The following KCNMB2 variants were observed in gnomAD, a reference collection of about 807,000 sequenced individuals.
KCNMB2 encodes calcium-activated potassium channel subunit beta-2.
A neutral mutation model predicts 24.5 loss-of-function variants in KCNMB2; 9 were observed. That is an observed-to-expected ratio of 0.37 (90% CI 0.22 to 0.64). The LOEUF is 0.64. Among genes scored for constraint, KCNMB2 ranks in the 30% least tolerant of loss-of-function variants. KCNMB2 has a pLI of 0.63. For missense variants in KCNMB2, 226 were observed against 284.3 expected, an observed-to-expected ratio of 0.79 and a Z score of 1.47; for synonymous variants, 109 against 104.4, an observed-to-expected ratio of 1.04 and a Z score of -0.27.
At chr3:178,577,856 C>G (rs555918700) in intron 1 of KCNMB2, among the ~76,000 whole-genome samples, 10 of 152,230 alleles carry the variant, frequency 6.6e-5, no homozygotes, top group Admixed American at 2.6e-4. Flanking sequence ...AGAACAAAGC[C>G]TCCAAGAAAT....
intron 1 of KCNMB2, among the ~76,000 whole-genome samples, chr3:178,613,846 T>C (rs1718583405): frequency 6.6e-6 from 1 of 152,146 alleles, no homozygotes; most frequent in South Asian, 2.1e-4. Flanking sequence ...ATCTTGTACG[T>C]GGATACTGAT....
At chr3:178,779,509 A>C (rs1712735275) in intron 1 of KCNMB2, among the ~76,000 whole-genome samples, 1 of 152,228 alleles carries the variant, frequency 6.6e-6, no homozygotes. Flanking sequence ...TTCAAACGTC[A>C]TAGTCAATAT....
chr3:178,794,477 A>G (rs113549479), intron 1 of KCNMB2, among the ~76,000 whole-genome samples: 37 of 152,308 alleles, frequency 2.4e-4, no homozygotes, highest in African/African-American at 7.5e-4. Context: ...ACCAAGTGGA[A>G]GGAGGCCTGC....
intron 1 of KCNMB2, among the ~76,000 whole-genome samples, chr3:178,611,510 C>T (rs901116535): frequency 6.6e-6 from 1 of 152,130 alleles, no homozygotes; most frequent in African/African-American, 2.4e-5. Flanking sequence ...CAAGACCATC[C>T]TGGCCAACAT....
At chr3:178,614,007 C>G (rs758005340) in intron 1 of KCNMB2, among the ~76,000 whole-genome samples, 6 of 150,666 alleles carry the variant, frequency 4.0e-5, no homozygotes, top group Non-Finnish European at 7.4e-5. Context: ...TTTCTTTTTT[C>G]TCCTCTGACT....
At chr3:178,575,508 T>C (rs1388822704) in intron 1 of KCNMB2, among the ~76,000 whole-genome samples, 4 of 152,238 alleles carry the variant, frequency 2.6e-5, no homozygotes, top group Admixed American at 2.6e-4. Context: ...CATCTAGTGA[T>C]AGTCAGAACT....
Position 178,607,584 on chromosome 3 carries a change from TGTCAATTTAATTAGCATTA to T in KCNMB2, c.-68+70877_-68+70895del, listed in dbSNP as rs1354651705. 6.6e-5 allele frequency among the ~76,000 whole-genome samples: 10 copies of T among 152,052 alleles called. 1 individual carries two copies. The highest frequency in any genetic ancestry group is 3.3e-4 in the Admixed American group (5 of 15,248). On this transcript the variant is annotated intron_variant, in intron 1 of 4. Coordinates refer to ENST00000452583, the MANE Select transcript of KCNMB2 (RefSeq NM_181361.3). ...AGGTAGTGATCAAAGTAAATGCAATTGTCAATTTAATTAGCATTAGTCCCTCCAAATTCATTGTGCATGC... is the reference window on the plus strand; with the variant it reads ...AGGTAGTGATCAAAGTAAATGCAATTGTCCCTCCAAATTCATTGTGCATGC...
chr3:178,660,479 C>A (rs551093870), intron 1 of KCNMB2, among the ~76,000 whole-genome samples: 1 of 152,270 alleles, frequency 6.6e-6, no homozygotes, highest in South Asian at 2.1e-4. Context: ...AACCAGGAAA[C>A]AACTACCCAC....
At chr3:178,785,221 C>G (rs1713053948) in intron 1 of KCNMB2, among the ~76,000 whole-genome samples, 1 of 151,882 alleles carries the variant, frequency 6.6e-6, no homozygotes, top group South Asian at 2.1e-4. Context: ...AAAATTTAGG[C>G]AATGCTAATT....
chr3:178,768,422 A>C (rs1000161776), intron 1 of KCNMB2, among the ~76,000 whole-genome samples: 2 of 152,184 alleles, frequency 1.3e-5, no homozygotes, highest in Non-Finnish European at 2.9e-5. Context: ...AGTGAAGACT[A>C]TACATGATAA....
chr3:178,800,488 C>T (rs936189564), intron 1 of KCNMB2, among the ~76,000 whole-genome samples: 12 of 151,946 alleles, frequency 7.9e-5, no homozygotes, highest in African/African-American at 2.9e-4. Flanking sequence ...ATCGTCTCAC[C>T]CCAAGTTAAA....
At chr3:178,748,704 T>C (rs1485677032) in intron 1 of KCNMB2, among the ~76,000 whole-genome samples, 4 of 152,186 alleles carry the variant, frequency 2.6e-5, no homozygotes, top group Non-Finnish European at 5.9e-5. Flanking sequence ...TGTTCACAAA[T>C]AGAAGCTAGC....
intron 1 of KCNMB2, among the ~76,000 whole-genome samples, chr3:178,687,272 A>G (rs1445406325): frequency 6.6e-6 from 1 of 152,156 alleles, no homozygotes; most frequent in African/African-American, 2.4e-5. Flanking sequence ...AACTGCATGA[A>G]CAATTCAAAA....
intron 1 of KCNMB2, among the ~76,000 whole-genome samples, chr3:178,717,052 T>TAA (rs559096276): frequency 3.7e-5 from 5 of 135,448 alleles, no homozygotes; most frequent in Non-Finnish European, 6.4e-5. Flanking sequence ...TTCAGCAACT[T>TAA]AAAAAAAAAA....
chr3:178,793,270 A>G (rs1713396529), intron 1 of KCNMB2, among the ~76,000 whole-genome samples: 1 of 152,220 alleles, frequency 6.6e-6, no homozygotes, highest in South Asian at 2.1e-4. Flanking sequence ...ATGGAATTGC[A>G]GACAGTTGAT....
chr3:178,730,591 C>A (rs978011596), intron 1 of KCNMB2, among the ~76,000 whole-genome samples: 5 of 152,116 alleles, frequency 3.3e-5, no homozygotes, highest in African/African-American at 1.2e-4. Flanking sequence ...TAAGACCTTC[C>A]AATTTATTTC....
chr3:178,779,318 G>A (rs1445401230), intron 1 of KCNMB2, among the ~76,000 whole-genome samples: 1 of 152,150 alleles, frequency 6.6e-6, no homozygotes, highest in East Asian at 1.9e-4. Context: ...TTGTATTTAT[G>A]ATCCCCTCCT....
At chr3:178,543,809 T>G (rs1281786386) in intron 1 of KCNMB2, among the ~76,000 whole-genome samples, 1 of 152,228 alleles carries the variant, frequency 6.6e-6, no homozygotes, top group South Asian at 2.1e-4. Context: ...TCCAAAAGTG[T>G]GTATGTGTCA....
chr3:178,655,113 TC>T (rs1720280510), intron 1 of KCNMB2, among the ~76,000 whole-genome samples: 1 of 148,248 alleles, frequency 6.7e-6, no homozygotes, highest in African/African-American at 2.6e-5. Context: ...TCTCTCTCTC[TC>T]TCTCTCTCTC....
Sources: gnomAD v4.1 joint callset for allele counts (sites outside exome capture counted in the v4.1 genomes callset) on GRCh38, gnomAD v4.1.1 for gene constraint, MANE v1.5 for transcripts, NCBI Gene and HGNC (gene_info 2026-07-23, HGNC 2026-07-21) for gene names.